AGMO: variants seen among roughly 807,000 people sequenced by gnomAD.
The protein encoded by AGMO is alkylglycerol monooxygenase.
AGMO carries 75 observed loss-of-function variants against 60.2 expected under a neutral mutation model. The ratio of observed to expected loss-of-function variants is 1.25; its 90% CI spans 1.03 to 1.51. The LOEUF is 1.51. AGMO is among the 40% of genes most tolerant of loss of function. The pLI, the probability that AGMO is intolerant of heterozygous loss-of-function variation, is 0.00. For synonymous variants in AGMO, 261 were observed against 177.1 expected, an observed-to-expected ratio of 1.47 and a Z score of -3.76; for missense variants, 763 against 525.5, an observed-to-expected ratio of 1.45 and a Z score of -4.42.
intron 2 of AGMO, among the ~76,000 whole-genome samples, chr7:15,549,838 C>T (rs1317451114): frequency 6.6e-6 from 1 of 151,816 alleles, no homozygotes; most frequent in Admixed American, 6.6e-5. Context: ...CTACAGAACT[C>T]TCCACCCCAA....
At chr7:15,397,245 G>C (rs116412356) in intron 5 of AGMO, among the ~76,000 whole-genome samples, 2,884 of 152,188 alleles carry the variant, frequency 0.019, 87 homozygotes, top group African/African-American at 0.067. Context: ...GGCGGTCCGC[G>C]CATGGTACCC....
chr7:15,451,775 T>A (rs1168141698), intron 3 of AGMO, among the ~76,000 whole-genome samples: 1 of 152,000 alleles, frequency 6.6e-6, no homozygotes, highest in African/African-American at 2.4e-5. Flanking sequence ...TCAGAGCTGA[T>A]TCACAGAGAC....
chr7:15,392,802 ACAAAC>A (rs750565299), intron 6 of AGMO, among the ~76,000 whole-genome samples: 1,417 of 128,794 alleles, frequency 0.011, 28 homozygotes, highest in African/African-American at 0.036. Flanking sequence ...CTGTCTCAAA[ACAAAC>A]AAACAAACAA....
intron 12 of AGMO, among the ~76,000 whole-genome samples, chr7:15,352,291 A>G (rs1782269435): frequency 6.6e-6 from 1 of 152,138 alleles, no homozygotes. Context: ...CCTATTTAAA[A>G]AATTTTTATG....
chr7:15,137,654 A>G, the AGMO span, among the ~76,000 whole-genome samples: 6 of 152,274 alleles, frequency 3.9e-5, no homozygotes, highest in African/African-American at 1.4e-4. Context: ...TTTTTCATGA[A>G]AGAGTTTTAT....
the AGMO span, among the ~76,000 whole-genome samples, chr7:15,177,916 T>G: frequency 2.1e-3 from 317 of 152,312 alleles, 1 homozygote; most frequent in African/African-American, 7.2e-3. Flanking sequence ...GTCCACCATA[T>G]GTCTCTCAAT....
At chr7:15,498,246 T>C (rs1032716622) in intron 3 of AGMO, among the ~76,000 whole-genome samples, 1 of 152,044 alleles carries the variant, frequency 6.6e-6, no homozygotes, top group African/African-American at 2.4e-5. Flanking sequence ...TTACAATTCT[T>C]TGCTAAACTT....
At chr7:15,130,847 G>C in the AGMO span, among the ~76,000 whole-genome samples, 1 of 152,116 alleles carries the variant, frequency 6.6e-6, no homozygotes, top group Admixed American at 6.6e-5. Context: ...TATCAGGAGT[G>C]AGTAATACAT....
At chr7:15,307,861 C>T (rs1219743010) in intron 12 of AGMO, among the ~76,000 whole-genome samples, 1 of 152,018 alleles carries the variant, frequency 6.6e-6, no homozygotes, top group Admixed American at 6.6e-5. Flanking sequence ...TAAATAAGAC[C>T]CATACCTCCT....
chr7:15,548,597 G>C (rs543243694), intron 2 of AGMO, among the ~76,000 whole-genome samples: 25 of 152,008 alleles, frequency 1.6e-4, no homozygotes, highest in Non-Finnish European at 3.2e-4. Flanking sequence ...GAAATGAAGC[G>C]AGAAGGGAAG....
intron 3 of AGMO, among the ~76,000 whole-genome samples, chr7:15,488,508 T>C (rs1181017421): frequency 6.6e-6 from 1 of 152,184 alleles, no homozygotes; most frequent in Non-Finnish European, 1.5e-5. Flanking sequence ...CTTGGCATTG[T>C]CTAGTTAATT....
At chr7:15,390,985 T>A in intron 6 of AGMO, 80 bp from the exon 7 acceptor site, 1 of 851,506 alleles carries the variant, frequency 1.2e-6, no homozygotes, top group Non-Finnish European at 1.8e-6. Flanking sequence ...TTTTTTAGAA[T>A]ATATTCATAA....
chr7:15,214,608 A>C lies in AGMO; in HGVS notation c.1264-13249T>G, dbSNP rs555507426. ...CAAACCAATCCTACCTTTGGGTCAA[A>C]GGGAAAAGAGCAGAGGAAAAAAATG... On this transcript the variant is annotated intron_variant, in intron 12 of 12. Coordinates refer to ENST00000342526, the MANE Select transcript of AGMO (RefSeq NM_001004320.2). Among the ~76,000 whole-genome samples the C allele has an allele frequency of 9.2e-5, 14 of 152,174 alleles. No individual in the cohort carries two copies. The South Asian group carries it at 2.9e-3, about 32-fold the overall frequency.
chr7:15,222,280 T>A (rs1437406108), intron 12 of AGMO, among the ~76,000 whole-genome samples: 1 of 152,082 alleles, frequency 6.6e-6, no homozygotes, highest in Non-Finnish European at 1.5e-5. Context: ...ATTTATTTAA[T>A]TAATTAGTTC....
At chr7:15,377,354 C>T (rs1783496014) in intron 10 of AGMO, among the ~76,000 whole-genome samples, 1 of 151,888 alleles carries the variant, frequency 6.6e-6, no homozygotes, top group Non-Finnish European at 1.5e-5. Context: ...TATTTCTCTT[C>T]GTCAATATAT....
At position 15,544,834 on chromosome 7, in the gene AGMO, G is replaced by C; in HGVS notation, c.347C>G (p.Thr116Ser). ...LFNLPWDSPW[T>S]WYSAFLGVDF... ...AACTCCTAAGAAGGCTGAATACCAA[G>C]TCCATGGAGAATCCCAAGGCAAATT... Residue 116 changes from threonine to serine, a missense_variant, in exon 3 of 13, where the codon ACT (threonine) becomes AGT (serine). Coordinates refer to ENST00000342526, the MANE Select transcript of AGMO (RefSeq NM_001004320.2). The C allele has an allele frequency of 6.2e-7, 1 of 1,610,534 alleles. No individual in the cohort carries two copies. The highest frequency in any genetic ancestry group is 1.7e-4 in the Middle Eastern group (1 of 6,050).
chr7:15,517,977 T>C (rs1249431317), intron 3 of AGMO, among the ~76,000 whole-genome samples: 1 of 151,986 alleles, frequency 6.6e-6, no homozygotes, highest in Admixed American at 6.6e-5. Flanking sequence ...ACACTCGAGC[T>C]TGGTTGGGGG....
chr7:15,430,249 G>T lies in AGMO; in HGVS notation c.513+756C>A, dbSNP rs549658771. Among the ~76,000 whole-genome samples, 342 of 151,994 alleles carry T rather than the reference G, an allele frequency of 2.3e-3. 2 individuals carry two copies. Among genetic ancestry groups the T allele is most frequent in the African/African-American group, 7.5e-3 (311 of 41,508 alleles). On this transcript the variant is annotated intron_variant, in intron 4 of 12. Coordinates refer to ENST00000342526, the MANE Select transcript of AGMO (RefSeq NM_001004320.2). ...CATTATAATTTATAGTTAATAAATA[G>T]CTTATTGATTTTACACACCAATATT...
At chr7:15,218,683 G>A (rs148671595) in intron 12 of AGMO, among the ~76,000 whole-genome samples, 28 of 152,006 alleles carry the variant, frequency 1.8e-4, no homozygotes, top group Non-Finnish European at 2.9e-4. Context: ...AGTTCAACAA[G>A]ACCTGTGAAT....
Sources: gnomAD v4.1 joint callset for allele counts (sites outside exome capture counted in the v4.1 genomes callset) on GRCh38, gnomAD v4.1.1 for gene constraint, MANE v1.5 for transcripts, NCBI Gene and HGNC (gene_info 2026-07-23, HGNC 2026-07-21) for gene names.